PGLYRP2: variants seen among roughly 807,000 people sequenced by gnomAD.
PGLYRP2 encodes the protein N-acetylmuramoyl-L-alanine amidase.
In PGLYRP2, 38 loss-of-function variants were observed where a neutral mutation model predicts 46.2. That is an observed-to-expected ratio of 0.82 (90% CI 0.64 to 1.08). The LOEUF is 1.08. PGLYRP2 is among the 50% of genes least tolerant of loss of function. The probability of loss-of-function intolerance (pLI) is 0.00; values close to 1 mark genes in which losing one functional copy is unlikely to be tolerated. For missense variants in PGLYRP2, 713 were observed against 755.9 expected (o/e 0.94, Z 0.67); for synonymous variants, 289 against 329.4 (o/e 0.88, Z 1.33).
chr19:15,472,072 G>A lies in PGLYRP2; in HGVS notation c.1161C>T (p.Arg387=). Residue 387 remains arginine, a synonymous_variant, in exon 3 of 5, where the codon CGC becomes CGT. Transcript: ENST00000340880. ...GGCCCCGATAAGGCGCCGCTCCCCA[G>A]CGGCAGCGGGGGTGGATGGCCGGGC... ...LGCPAIHPRC[R]WGAAPYRGRP... 6.2e-7 allele frequency: 1 copy of A among 1,605,676 alleles called. No homozygotes were observed. The highest frequency in any genetic ancestry group is 8.5e-7 in the Non-Finnish European group (1 of 1,179,780).
At chr19:15,470,931 A>G (rs1200748099) in intron 3 of PGLYRP2, among the ~76,000 whole-genome samples, 2 of 152,118 alleles carry the variant, frequency 1.3e-5, no homozygotes, top group East Asian at 3.9e-4. Flanking sequence ...GGCGTTAGCC[A>G]CCGCTCCCGG....
rs759553455 is a variant in PGLYRP2, at chr19:15,472,119, A to G, written c.1133-19T>C. 30 of 1,590,392 alleles carry G rather than the reference A, an allele frequency of 1.9e-5. No individual in the cohort carries two copies. The highest frequency in any genetic ancestry group is 2.0e-5 in the Non-Finnish European group (23 of 1,174,212). On this transcript the variant is annotated intron_variant, in intron 2 of 4. Transcript: ENST00000340880. ...GGGCATCCTACAGGCAAGGGGGTTG[A>G]AGGCTGGGGTCAGGAACTGTTTCTC...
At chr19:15,477,357 C>T (rs1014554307) in intron 1 of PGLYRP2, among the ~76,000 whole-genome samples, 4 of 141,764 alleles carry the variant, frequency 2.8e-5, no homozygotes, top group Non-Finnish European at 6.0e-5. Flanking sequence ...TGCGCCACTG[C>T]ACTCCAGCCT....
chr19:15,476,293 G>C lies in PGLYRP2; in HGVS notation c.377C>G (p.Ala126Gly), dbSNP rs147463355. The change falls in exon 2 of 5, where the codon GCG (alanine) becomes GGG (glycine). Residue 126 changes from alanine (A) to glycine (G), a missense_variant. Transcript: ENST00000340880. ...CCCTTGCAGCCCTGCCTCCAGCCCC[G>C]CCAGCAGAGGCTCCACAGCCACGGT... ...GSTVAVEPLLAGLEAGLQGRR... is the reference protein window; with the variant it reads ...GSTVAVEPLLGGLEAGLQGRR... The C allele has an allele frequency of 2.7e-5, 43 of 1,613,932 alleles. No individual in the cohort carries two copies. The highest frequency in any genetic ancestry group is 3.5e-5 in the Non-Finnish European group (41 of 1,180,020).
At position 15,469,007 on chromosome 19, in the gene PGLYRP2, A is replaced by G. The variant is rs950643611; in HGVS notation, c.1642-255T>C. ...TTAGTGATGGCGATCAAGGGCTGGG[A>G]TGAGGTCATCAGGTCAAAGTTGTGC... On this transcript the variant is annotated intron_variant, in intron 4 of 4. Coordinates refer to ENST00000340880, the MANE Select transcript of PGLYRP2 (RefSeq NM_052890.4). This position sits in a 1 kb window ranked among gnomAD's most constrained non-coding sequence, Gnocchi z 4.9. 5.8e-6 allele frequency: 3 copies of G among 512,928 alleles called. No homozygotes were observed. Among genetic ancestry groups the G allele is most frequent in the African/African-American group, 5.7e-5 (3 of 52,330 alleles). The allele number at this position is 512,928 out of a possible 1,614,324, so 31.8% of individuals were successfully genotyped here. A position where few individuals can be genotyped will look rare whatever the true frequency, so the allele number is the denominator to read the frequency against.
chr19:15,479,433 G>C lies in PGLYRP2; in HGVS notation c.-62C>G. ...TTGGCCTCGGCAGAGAACCTCGGCA[G>C]TGCTGGAGGGAGACAGGCACAGAGA... On this transcript the variant is annotated 5_prime_UTR_variant, in exon 1 of 5. Transcript: ENST00000340880. 1 of 1,507,746 alleles carries C rather than the reference G, an allele frequency of 6.6e-7. No homozygotes were observed. Among genetic ancestry groups the C allele is most frequent in the Non-Finnish European group, 9.1e-7 (1 of 1,094,186 alleles). The allele number at this position is 1,507,746 out of a possible 1,614,324, so 93.4% of individuals were successfully genotyped here.
chr19:15,470,610 T>A (rs1970739369), intron 3 of PGLYRP2, among the ~76,000 whole-genome samples: 1 of 149,730 alleles, frequency 6.7e-6, no homozygotes, highest in Admixed American at 6.7e-5. Context: ...CCCAGCCTTC[T>A]CCCCTCCCCT....
chr19:15,472,952 C>G (rs1970763377), intron 2 of PGLYRP2, among the ~76,000 whole-genome samples: 1 of 152,102 alleles, frequency 6.6e-6, no homozygotes, highest in Non-Finnish European at 1.5e-5. Flanking sequence ...GTAACCAAAA[C>G]AGCATGGTAC....
intron 1 of PGLYRP2, 107 bp from the exon 2 acceptor site, chr19:15,476,715 G>A (rs1599767602): frequency 2.2e-6 from 2 of 905,762 alleles, no homozygotes; most frequent in Admixed American, 2.8e-5. Context: ...ATAACCCCAT[G>A]ACCCCCAACA....
At chr19:15,470,297 T>TTCCTTCCTTCC (rs1568340281) in intron 3 of PGLYRP2, among the ~76,000 whole-genome samples, 74 of 68,996 alleles carry the variant, frequency 1.1e-3, no homozygotes, top group Middle Eastern at 8.8e-3. Flanking sequence ...TCCTTCCTTC[T>TTCCTTCCTTCC]TTCTTTCTTT....
In PGLYRP2 at chr19:15,469,705, C is replaced by G; in HGVS notation, c.1568G>C (p.Arg523Pro). 6.6e-7 allele frequency: 1 copy of G among 1,514,232 alleles called. No individual in the cohort carries two copies. Among genetic ancestry groups the G allele is most frequent in the South Asian group, 1.3e-5 (1 of 77,792 alleles). The allele number at this position is 1,514,232 out of a possible 1,614,324, so 93.8% of individuals were successfully genotyped here. A position where few individuals can be genotyped will look rare whatever the true frequency, so the allele number is the denominator to read the frequency against. The part of the protein sequence containing the change: ...LRPDYALLGH[R>P]QLVRTDCPGD... Reference sequence around the variant, plus strand: ...GGGGCAGTCGGTGCGCACCAGCTGGCGGTGGCCCAGCAGCGCGTAGTCTGG... The same window carrying G: ...GGGGCAGTCGGTGCGCACCAGCTGGGGGTGGCCCAGCAGCGCGTAGTCTGG... Residue 523 changes from arginine (R) to proline (P), a missense_variant, in exon 4 of 5, where the codon CGC becomes CCC. Transcript: ENST00000340880. The surrounding 1 kb of genome is among the most constrained non-coding windows in gnomAD (Gnocchi z 4.9).
In PGLYRP2 at chr19:15,469,038, T is replaced by C; in HGVS notation, c.1642-286A>G. On this transcript the variant is annotated intron_variant, in intron 4 of 4. Transcript: ENST00000340880. This position sits in a 1 kb window ranked among gnomAD's most constrained non-coding sequence, Gnocchi z 4.9. ...TCATCAGGTCAAAGTTGTGCTGGCA[T>C]AAGAGTTGTCATCAGGGGTTAAGGA... The C allele has an allele frequency of 2.0e-6, 1 of 510,236 alleles. No individual in the cohort carries two copies. Among genetic ancestry groups the C allele is most frequent in the Non-Finnish European group, 3.5e-6 (1 of 286,046 alleles). The allele number at this position is 510,236 out of a possible 1,614,324, so 31.6% of individuals were successfully genotyped here.
intron 1 of PGLYRP2, among the ~76,000 whole-genome samples, chr19:15,478,448 T>A (rs1428441521): frequency 1.3e-5 from 2 of 152,244 alleles, no homozygotes; most frequent in African/African-American, 4.8e-5. Context: ...CCTGCAGAAC[T>A]GCAAGAAAGT....
intron 3 of PGLYRP2, among the ~76,000 whole-genome samples, chr19:15,470,293 C>CTTCCTTCCTTCCTTCTTTCT (rs769321802): frequency 5.9e-5 from 6 of 101,866 alleles, no homozygotes; most frequent in Middle Eastern, 0.011. Context: ...TCCTTCCTTC[C>CTTCCTTCCTTCCTTCTTTCT]TTCTTTCTTT....
intron 2 of PGLYRP2, 75 bp from the exon 3 acceptor site, chr19:15,472,175 C>G (rs749823479): frequency 1.3e-5 from 16 of 1,231,306 alleles, no homozygotes; most frequent in Non-Finnish European, 1.7e-5. Context: ...TTAAAGCGCA[C>G]ATACAGACCA....
intron 3 of PGLYRP2, among the ~76,000 whole-genome samples, chr19:15,470,308 C>CTTTTT (rs1270674824): frequency 0.034 from 4,082 of 121,848 alleles, 94 homozygotes; most frequent in Non-Finnish European, 0.042. Context: ...TTCTTTCTTT[C>CTTTTT]TTTTTTTGAT....
chr19:15,475,521 G>T lies in PGLYRP2; in HGVS notation c.1132+17C>A, dbSNP rs1169641234. 1.9e-6 allele frequency: 3 copies of T among 1,566,542 alleles called. No individual in the cohort carries two copies. Among genetic ancestry groups the T allele is most frequent in the Non-Finnish European group, 2.6e-6 (3 of 1,153,830 alleles). On this transcript the variant is annotated intron_variant, in intron 2 of 4. Coordinates refer to ENST00000340880, the MANE Select transcript of PGLYRP2 (RefSeq NM_052890.4). ...TCTGTAATGGGAAGGATCACAGGGT[G>T]TGGGGAACTTCCTCACCCAGGAAGG...
chr19:15,475,885 T>G lies in PGLYRP2; in HGVS notation c.785A>C (p.Asp262Ala). ...CATGGTTAACAGAGATGCCTTGGGGTCCAAAAGCGTAAAGGTCCGAGGGGC... is the reference window on the plus strand; with the variant it reads ...CATGGTTAACAGAGATGCCTTGGGGGCCAAAAGCGTAAAGGTCCGAGGGGC... ...LSAPRTFTLL[D>A]PKASLLTMAF... Residue 262 changes from aspartate (D) to alanine (A), a missense_variant, in exon 2 of 5, where the codon GAC becomes GCC. Asp to Ala is a moderately radical substitution (Grantham distance 126). Coordinates refer to ENST00000340880, the MANE Select transcript of PGLYRP2 (RefSeq NM_052890.4). 6.2e-7 allele frequency: 1 copy of G among 1,613,802 alleles called. No individual in the cohort carries two copies. The highest frequency in any genetic ancestry group is 8.5e-7 in the Non-Finnish European group (1 of 1,179,970).
At chr19:15,471,796 G>A (rs1202755867) in intron 3 of PGLYRP2, 94 bp downstream of exon 3, 2 of 1,387,956 alleles carry the variant, frequency 1.4e-6, no homozygotes, top group South Asian at 1.4e-5. Context: ...AGCTTTCCTC[G>A]GGTTCAAGCC....
Sources: allele counts gnomAD v4.1 joint callset (sites outside exome capture counted in the v4.1 genomes callset), GRCh38; gene constraint gnomAD v4.1.1; non-coding constraint Gnocchi (gnomAD v3.1); transcripts MANE v1.5; gene names NCBI Gene and HGNC (gene_info 2026-07-23, HGNC 2026-07-21).